Variants in LDLRAD4 observed in about 807,000 individuals in gnomAD.
The protein encoded by LDLRAD4 is low density lipoprotein receptor class A domain containing 4.
Under a neutral mutation model 17.0 loss-of-function variants are expected in LDLRAD4, and 5 were observed. The observed-to-expected ratio is 0.29, with a 90% CI of 0.15 to 0.62. The LOEUF is 0.62. Ranked by LOEUF, LDLRAD4 falls within the 20% of genes least tolerant of loss-of-function variation. The pLI is 0.84. For missense variants in LDLRAD4, 340 were observed against 424.7 expected, an observed-to-expected ratio of 0.80 and a Z score of 1.75; for synonymous variants, 168 against 171.8, an observed-to-expected ratio of 0.98 and a Z score of 0.17.
At chr18:13,468,947 A>G (rs1226382805) in intron 3 of LDLRAD4, among the ~76,000 whole-genome samples, 13 of 152,094 alleles carry the variant, frequency 8.5e-5, no homozygotes, top group Non-Finnish European at 5.9e-5. Flanking sequence ...ACGTGTATAC[A>G]TATGTAACTA....
At chr18:13,568,849 G>A (rs528189200) in intron 3 of LDLRAD4, among the ~76,000 whole-genome samples, 150 of 152,242 alleles carry the variant, frequency 9.9e-4, no homozygotes, top group African/African-American at 3.2e-3. Context: ...CCAAGCGTGC[G>A]TCTATCCAGG....
At chr18:13,587,789 A>G (rs1284770324) in intron 3 of LDLRAD4, among the ~76,000 whole-genome samples, 1 of 152,224 alleles carries the variant, frequency 6.6e-6, no homozygotes, top group African/African-American at 2.4e-5. Flanking sequence ...AATCCTGCTT[A>G]CTGGTATCCA....
rs139329422 is a variant in LDLRAD4 at position 13,354,164 on chromosome 18, G to A, written c.-382-33177G>A. ...TTCGAGGCTGTAGTGTGCCATGTTTGCACCTGTGAGTAGCCATTGCCCTCC... is the reference window on the plus strand; with the variant it reads ...TTCGAGGCTGTAGTGTGCCATGTTTACACCTGTGAGTAGCCATTGCCCTCC... On this transcript the variant is annotated intron_variant, in intron 1 of 5. Transcript: ENST00000359446. Among the ~76,000 whole-genome samples, 796 of 152,244 alleles carry A rather than the reference G, an allele frequency of 5.2e-3. 3 individuals are homozygous for A. The highest frequency in any genetic ancestry group is 0.015 in the South Asian group (70 of 4,824).
chr18:13,328,177 G>A (rs534017191), intron 1 of LDLRAD4, among the ~76,000 whole-genome samples: 1 of 152,316 alleles, frequency 6.6e-6, no homozygotes, highest in African/African-American at 2.4e-5. Flanking sequence ...AGTGGTTCTG[G>A]TGAGTCTACA....
chr18:13,351,735 A>C lies in LDLRAD4; in HGVS notation c.-382-35606A>C, dbSNP rs145773986. Among the ~76,000 whole-genome samples, 3 of 152,314 alleles carry C rather than the reference A, an allele frequency of 2.0e-5. No homozygotes were observed. In the East Asian group the frequency reaches 5.8e-4, roughly 29 times the overall value. ...CTGAAACTATTCCTAACAATTGAAAAGAAGGGACTCCTCCTTAACTCATTT... is the reference window on the plus strand; with the variant it reads ...CTGAAACTATTCCTAACAATTGAAACGAAGGGACTCCTCCTTAACTCATTT... On this transcript the variant is annotated intron_variant, in intron 1 of 5. Coordinates refer to ENST00000359446, the Ensembl canonical transcript of LDLRAD4.
intron 3 of LDLRAD4, among the ~76,000 whole-genome samples, chr18:13,527,508 C>T (rs2094051925): frequency 6.6e-6 from 1 of 152,180 alleles, no homozygotes; most frequent in Admixed American, 6.5e-5. Context: ...CAATCCTCGC[C>T]AAAGACCTAG....
chr18:13,525,034 C>T (rs1422968654), intron 3 of LDLRAD4, among the ~76,000 whole-genome samples: 4 of 152,166 alleles, frequency 2.6e-5, no homozygotes, highest in Non-Finnish European at 5.9e-5. Context: ...AGTGTGCGTG[C>T]GCCTTTGCAT....
chr18:13,646,807 A>G (rs2043032047), exon 6 of LDLRAD4: 1 of 152,512 alleles, frequency 6.6e-6, no homozygotes, highest in South Asian at 2.1e-4. Flanking sequence ...CCTTTCCTCG[A>G]CAGCTTAGTT....
chr18:13,552,805 T>TA (rs1429241465), intron 3 of LDLRAD4, among the ~76,000 whole-genome samples: 3 of 152,246 alleles, frequency 2.0e-5, no homozygotes, highest in Non-Finnish European at 4.4e-5. Flanking sequence ...CACGGTTCTT[T>TA]ACCGAGCTTC....
chr18:13,274,120 G>A (rs2044720228), upstream of LDLRAD4, among the ~76,000 whole-genome samples: 1 of 152,166 alleles, frequency 6.6e-6, no homozygotes, highest in Non-Finnish European at 1.5e-5. Context: ...CCTCTTGAAT[G>A]AACCTTTCTT....
chr18:13,405,343 A>T (rs2087630997), intron 2 of LDLRAD4, among the ~76,000 whole-genome samples: 1 of 152,124 alleles, frequency 6.6e-6, no homozygotes, highest in Admixed American at 6.5e-5. Context: ...AGGTTATCTG[A>T]CACTGAACCC....
chr18:13,374,266 C>G (rs1054519033), intron 1 of LDLRAD4, among the ~76,000 whole-genome samples: 2 of 152,198 alleles, frequency 1.3e-5, no homozygotes, highest in Admixed American at 1.3e-4. Context: ...GGAGCCCTCT[C>G]AGCCCTGACC....
chr18:13,610,779 A>C (rs1475768244), intron 3 of LDLRAD4, among the ~76,000 whole-genome samples: 1 of 152,148 alleles, frequency 6.6e-6, no homozygotes, highest in Non-Finnish European at 1.5e-5. Flanking sequence ...AAGTGGCTGC[A>C]GCTTCTAATT....
chr18:13,582,906 G>C (rs2094883469), intron 3 of LDLRAD4, among the ~76,000 whole-genome samples: 1 of 152,242 alleles, frequency 6.6e-6, no homozygotes, highest in East Asian at 1.9e-4. Context: ...TTGTAGAGAT[G>C]GGGTCTTGCT....
At chr18:13,327,529 C>T (rs567017621) in intron 1 of LDLRAD4, among the ~76,000 whole-genome samples, 38 of 150,770 alleles carry the variant, frequency 2.5e-4, no homozygotes, top group Admixed American at 3.3e-4. Flanking sequence ...TCAAGGAAGT[C>T]GGAAGGAGCA....
intron 3 of LDLRAD4, among the ~76,000 whole-genome samples, chr18:13,532,799 T>G (rs951930517): frequency 6.6e-6 from 1 of 152,200 alleles, no homozygotes; most frequent in Non-Finnish European, 1.5e-5. Context: ...GGTGGAAGCC[T>G]TCTTTGCTCC....
intron 1 of LDLRAD4, among the ~76,000 whole-genome samples, chr18:13,287,954 GTTTAGGTATT>G (rs918581320): frequency 1.3e-5 from 2 of 152,212 alleles, no homozygotes; most frequent in Non-Finnish European, 2.9e-5. Context: ...TAATTTGGGT[GTTTAGGTATT>G]TTTAGAAAAT....
chr18:13,612,882 C>T, intron 3 of LDLRAD4: 4 of 1,330,624 alleles, frequency 3.0e-6, no homozygotes, highest in Non-Finnish European at 4.2e-6. Flanking sequence ...GAAGCTCTTT[C>T]TCAAGAAGTT....
chr18:13,393,206 T>C (rs938121897), intron 2 of LDLRAD4, among the ~76,000 whole-genome samples: 1 of 152,220 alleles, frequency 6.6e-6, no homozygotes, highest in African/African-American at 2.4e-5. Context: ...GCCCAGAGAA[T>C]GCTCGCTTTA....
Sources: gnomAD v4.1 joint callset for allele counts (sites outside exome capture counted in the v4.1 genomes callset) on GRCh38, gnomAD v4.1.1 for gene constraint, MANE v1.5 for transcripts, NCBI Gene and HGNC (gene_info 2026-07-23, HGNC 2026-07-21) for gene names.